The following TASP1 variants were observed in gnomAD, a reference collection of about 807,000 sequenced individuals.
TASP1 encodes the protein threonine aspartase 1.
TASP1 carries 16 observed loss-of-function variants against 56.6 expected under a neutral mutation model. The observed-to-expected ratio is 0.28, with a 90% CI of 0.19 to 0.43. The LOEUF (loss-of-function observed/expected upper bound fraction) is 0.43, where lower values mean the gene tolerates loss of function less well. TASP1 is among the 20% of genes least tolerant of loss of function. The pLI is 1.00. For synonymous variants in TASP1, 179 were observed against 184.2 expected (o/e 0.97, Z 0.23); for missense variants, 393 against 511.6 (o/e 0.77, Z 2.24).
intron 13 of TASP1, among the ~76,000 whole-genome samples, chr20:13,394,410 A>G (rs1345095345): frequency 1.3e-5 from 2 of 151,484 alleles, no homozygotes; most frequent in African/African-American, 4.9e-5. Context: ...GGAGTTTGAG[A>G]CCATCCTGGC....
chr20:13,249,410 C>T, the TASP1 span, among the ~76,000 whole-genome samples: 8 of 152,204 alleles, frequency 5.3e-5, no homozygotes, highest in African/African-American at 4.8e-5. Context: ...GGAACCCTTC[C>T]GTGCCCCAGG....
chr20:13,155,401 C>T, the TASP1 span, among the ~76,000 whole-genome samples: 1 of 152,040 alleles, frequency 6.6e-6, no homozygotes, highest in African/African-American at 2.4e-5. Context: ...TTGAAAAGTA[C>T]CAATAAAAGA....
chr20:13,434,072 A>G (rs2146183650), intron 12 of TASP1, among the ~76,000 whole-genome samples: 1 of 152,242 alleles, frequency 6.6e-6, no homozygotes, highest in African/African-American at 2.4e-5. Flanking sequence ...AAGTGAGCAT[A>G]CTGTTTAACT....
At chr20:13,567,350 T>C (rs1199723670) in intron 7 of TASP1, among the ~76,000 whole-genome samples, 1 of 152,038 alleles carries the variant, frequency 6.6e-6, no homozygotes, top group African/African-American at 2.4e-5. Context: ...GACTAAATAG[T>C]CTGTACAACA....
the TASP1 span, among the ~76,000 whole-genome samples, chr20:13,340,080 T>C: frequency 6.6e-6 from 1 of 152,114 alleles, no homozygotes; most frequent in Non-Finnish European, 1.5e-5. Flanking sequence ...TCCAGCCTCC[T>C]TGCAGCTTAG....
chr20:13,188,136 TAAG>T, the TASP1 span, among the ~76,000 whole-genome samples: 3 of 152,094 alleles, frequency 2.0e-5, no homozygotes, highest in African/African-American at 4.8e-5. Context: ...CCTCTAAGAT[TAAG>T]AAGAAGATAA....
chr20:13,591,205 T>C (rs975526688), intron 4 of TASP1, among the ~76,000 whole-genome samples: 1 of 151,950 alleles, frequency 6.6e-6, no homozygotes, highest in Non-Finnish European at 1.5e-5. Context: ...CCAAAAATTA[T>C]CCAAACTTAA....
At chr20:13,343,373 G>C in the TASP1 span, among the ~76,000 whole-genome samples, 11,364 of 152,318 alleles carry the variant, frequency 0.075, 978 homozygotes, top group African/African-American at 0.21. Context: ...CCAGGTACTT[G>C]GTTTTTGGCT....
the TASP1 span, chr20:13,299,266 G>A: frequency 1.2e-6 from 2 of 1,608,724 alleles, no homozygotes; most frequent in Non-Finnish European, 1.7e-6. The surrounding 1 kb of genome is among the most constrained non-coding windows in gnomAD (Gnocchi z 5.8). Flanking sequence ...AAGGGGGCGG[G>A]CACGCCCAAC....
At chr20:13,252,932 C>A in the TASP1 span, among the ~76,000 whole-genome samples, 65 of 152,260 alleles carry the variant, frequency 4.3e-4, no homozygotes, top group African/African-American at 1.3e-3. Context: ...GGTCCCCAGC[C>A]CCCCCTCTCA....
At chr20:13,504,227 A>G (rs1181413018) in intron 10 of TASP1, among the ~76,000 whole-genome samples, 1 of 152,142 alleles carries the variant, frequency 6.6e-6, no homozygotes, top group Admixed American at 6.6e-5. Context: ...CACATACAAG[A>G]AAATTCCCAA....
chr20:13,357,632 A>G, the TASP1 span, among the ~76,000 whole-genome samples: 1 of 152,316 alleles, frequency 6.6e-6, no homozygotes, highest in East Asian at 1.9e-4. Context: ...TATAGCCCAG[A>G]ATTTTCATTC....
chr20:13,486,963 A>G (rs1600967048), intron 10 of TASP1, among the ~76,000 whole-genome samples: 1 of 152,190 alleles, frequency 6.6e-6, no homozygotes, highest in South Asian at 2.1e-4. Flanking sequence ...CTCTTCAACA[A>G]TGTACTGGAG....
intron 11 of TASP1, among the ~76,000 whole-genome samples, chr20:13,481,540 A>T (rs1048597749): frequency 2.0e-5 from 3 of 152,140 alleles, no homozygotes; most frequent in African/African-American, 7.2e-5. Flanking sequence ...TCCCACCAAC[A>T]GTGTACCAGC....
At chr20:13,593,613 T>C (rs1873324644) in intron 4 of TASP1, among the ~76,000 whole-genome samples, 1 of 152,156 alleles carries the variant, frequency 6.6e-6, no homozygotes, top group African/African-American at 2.4e-5. Context: ...CGCAGCAGTC[T>C]GAGATCAACC....
intron 10 of TASP1, among the ~76,000 whole-genome samples, chr20:13,508,006 GA>G (rs1204772681): frequency 6.6e-6 from 1 of 152,030 alleles, no homozygotes; most frequent in South Asian, 2.1e-4. Context: ...AAATCGGGTT[GA>G]AAAAACTGAA....
intron 11 of TASP1, among the ~76,000 whole-genome samples, chr20:13,476,192 A>C (rs1308362577): frequency 5.9e-5 from 9 of 152,220 alleles, no homozygotes; most frequent in Admixed American, 5.2e-4. Flanking sequence ...GTTGACCTAC[A>C]TGCTCTCTCT....
intron 11 of TASP1, among the ~76,000 whole-genome samples, chr20:13,440,169 C>T (rs976929532): frequency 4.6e-5 from 7 of 152,132 alleles, no homozygotes; most frequent in Non-Finnish European, 7.3e-5. Context: ...TATTTCCAAC[C>T]TAGAATTCTA....
chr20:13,593,543 G>A (rs1036611677), intron 4 of TASP1, among the ~76,000 whole-genome samples: 4 of 152,258 alleles, frequency 2.6e-5, no homozygotes, highest in Non-Finnish European at 5.9e-5. Flanking sequence ...CAGACCAGGA[G>A]ATTCTCTCCC....
Sources: gnomAD v4.1 joint callset for allele counts (sites outside exome capture counted in the v4.1 genomes callset) on GRCh38, gnomAD v4.1.1 for gene constraint, Gnocchi (gnomAD v3.1) non-coding constraint, MANE v1.5 for transcripts, NCBI Gene and HGNC (gene_info 2026-07-23, HGNC 2026-07-21) for gene names.